Variants in MYO5C observed in about 807,000 individuals in gnomAD.
MYO5C encodes myosin VC.
In MYO5C, 194 loss-of-function variants were observed where a neutral mutation model predicts 235.7. The ratio of observed to expected loss-of-function variants is 0.82; its 90% CI spans 0.73 to 0.93. MYO5C has a LOEUF of 0.93. Among genes scored for constraint, MYO5C ranks in the 40% least tolerant of loss-of-function variants. MYO5C has a pLI of 0.00. For missense variants in MYO5C, 2,038 were observed against 2,127.2 expected, an observed-to-expected ratio of 0.96 and a Z score of 0.82; for synonymous variants, 707 against 754.8, an observed-to-expected ratio of 0.94 and a Z score of 1.04.
intron 9 of MYO5C, 98 bp downstream of exon 9, chr15:52,264,092 G>T (rs972945810): frequency 8.0e-6 from 7 of 872,208 alleles, no homozygotes; most frequent in South Asian, 3.4e-5. Flanking sequence ...CCAGGAGGCC[G>T]ACTATATCTG....
intron 18 of MYO5C, among the ~76,000 whole-genome samples, chr15:52,245,114 A>ACG (rs2036309736): frequency 6.6e-6 from 1 of 152,224 alleles, no homozygotes; most frequent in African/African-American, 2.4e-5. Flanking sequence ...TGGGAGAGCT[A>ACG]AACAGGATAC....
intron 19 of MYO5C, among the ~76,000 whole-genome samples, 199 bp downstream of exon 19, chr15:52,244,157 C>A (rs1243595490): frequency 6.6e-6 from 1 of 152,146 alleles, no homozygotes; most frequent in African/African-American, 2.4e-5. Context: ...CACACAGACA[C>A]CAGGCAGAGC....
intron 1 of MYO5C, 29 bp downstream of exon 1, chr15:52,295,581 G>A: frequency 1.3e-6 from 2 of 1,500,126 alleles, no homozygotes; most frequent in Admixed American, 2.2e-5. Flanking sequence ...CCCCCACAGC[G>A]CTCCCAGGAG....
chr15:52,229,301 T>G lies in MYO5C; in HGVS notation c.3039A>C (p.Lys1013Asn), dbSNP rs748117156. Residue 1013 changes from lysine to asparagine, a missense_variant, in exon 25 of 41, where the codon AAA becomes AAC. Physicochemically the swap from Lys to Asn is moderately conservative, Grantham distance 94. Transcript: ENST00000261839. ...AGTCTTGTGTTTTCAGTTCAAAACT[T>G]TTTTCAAGAAGCCTACGCAGCAAAA... ...KEERQRMLLE[K>N]SFELKTQDYE... 1 of 1,613,288 alleles carries G rather than the reference T, an allele frequency of 6.2e-7. No homozygotes were observed. Among genetic ancestry groups the G allele is most frequent in the Non-Finnish European group, 8.5e-7 (1 of 1,179,946 alleles).
intron 32 of MYO5C, among the ~76,000 whole-genome samples, chr15:52,217,311 C>A (rs1371716973): frequency 1.3e-5 from 2 of 152,230 alleles, no homozygotes; most frequent in African/African-American, 4.8e-5. Context: ...CTTGGAGGAG[C>A]TCCAGAAGAG....
chr15:52,239,737 T>C lies in MYO5C; in HGVS notation c.2699A>G (p.Asp900Gly). 1 of 1,599,368 alleles carries C rather than the reference T, an allele frequency of 6.3e-7. No individual in the cohort carries two copies. Among genetic ancestry groups the C allele is most frequent in the Non-Finnish European group, 8.5e-7 (1 of 1,171,662 alleles). ...RVQRLQKKLE[D>G]QNKENHGLVE... ...AGATGCACTATGAGCACCTACCTGA[T>C]CTTCCAACTTTTTCTGCAAACGCTG... is the stretch of plus-strand genomic sequence containing the variant. Residue 900 changes from aspartate to glycine, a missense_variant, in exon 21 of 41, where the codon GAT becomes GGT. Asp to Gly is a moderately conservative substitution (Grantham distance 94, BLOSUM62 -1). Coordinates refer to ENST00000261839, the MANE Select transcript of MYO5C (RefSeq NM_018728.4).
At chr15:52,287,352 G>A (rs1486803865) in intron 1 of MYO5C, among the ~76,000 whole-genome samples, 4 of 152,086 alleles carry the variant, frequency 2.6e-5, no homozygotes, top group East Asian at 3.8e-4. Flanking sequence ...TTGTTGCCAC[G>A]GGCTACACAG....
intron 1 of MYO5C, among the ~76,000 whole-genome samples, chr15:52,295,408 G>C (rs1285176953): frequency 6.6e-6 from 1 of 152,186 alleles, no homozygotes; most frequent in African/African-American, 2.4e-5. Context: ...AGCACGCCGG[G>C]GCCCTGGAGG....
rs2035608019 is a variant in MYO5C, at chr15:52,218,664, A to T, written c.3809T>A (p.Ile1270Lys). ...QRKALEAQNE[I>K]HTKEKEKLID... Reference sequence around the variant, plus strand: ...CAGCTTCTCCTTCTCTTTGGTATGTATTTCATTTTGGGCTTCCAAGGCCCT... The same window carrying T: ...CAGCTTCTCCTTCTCTTTGGTATGTTTTTCATTTTGGGCTTCCAAGGCCCT... The change falls in exon 32 of 41, where the codon ATA (isoleucine) becomes AAA (lysine). Residue 1270 changes from isoleucine (I) to lysine (K), a missense_variant. Physicochemically the swap from Ile to Lys is moderately radical, Grantham distance 102. Coordinates refer to ENST00000261839, the MANE Select transcript of MYO5C (RefSeq NM_018728.4). 1 of 1,614,026 alleles carries T rather than the reference A, an allele frequency of 6.2e-7. No homozygotes were observed. The highest frequency in any genetic ancestry group is 8.5e-7 in the Non-Finnish European group (1 of 1,180,006).
intron 5 of MYO5C, among the ~76,000 whole-genome samples, 163 bp downstream of exon 5, chr15:52,275,399 A>G (rs2037020254): frequency 6.6e-6 from 1 of 152,128 alleles, no homozygotes; most frequent in Non-Finnish European, 1.5e-5. Flanking sequence ...TTCTGCCCCC[A>G]TCTCCTTCAA....
intron 38 of MYO5C, among the ~76,000 whole-genome samples, chr15:52,199,903 C>G (rs956312384): frequency 6.6e-6 from 1 of 152,116 alleles, no homozygotes; most frequent in Non-Finnish European, 1.5e-5. Context: ...AGTTTTCTAG[C>G]TGAAGCACCA....
At chr15:52,201,390 A>G (rs2141261310) in intron 38 of MYO5C, among the ~76,000 whole-genome samples, 1 of 152,268 alleles carries the variant, frequency 6.6e-6, no homozygotes, top group East Asian at 1.9e-4. Flanking sequence ...AAAGTGGTGA[A>G]AGAAAACAAC....
At chr15:52,247,346 G>T (rs1309138429) in intron 15 of MYO5C, 112 bp downstream of exon 15, 1 of 1,229,992 alleles carries the variant, frequency 8.1e-7, no homozygotes, top group Non-Finnish European at 1.1e-6. Context: ...GATTGGAAGA[G>T]CCCCAGCGTC....
Position 52,286,973 on chromosome 15 carries a change from AAACT to A in MYO5C, c.28-4085_28-4082del, listed in dbSNP as rs1411537612. Among the ~76,000 whole-genome samples the A allele has an allele frequency of 9.2e-3, 978 of 105,780 alleles. 10 individuals carry two copies. Among genetic ancestry groups the A allele is most frequent in the Middle Eastern group, 0.028 (5 of 180 alleles). 69.4% of individuals were successfully genotyped at this position (105,780 alleles called of 152,430 possible). On this transcript the variant is annotated intron_variant, in intron 1 of 40. Coordinates refer to ENST00000261839, the MANE Select transcript of MYO5C (RefSeq NM_018728.4). Reference sequence around the variant, plus strand: ...AAGAAAAAAGAAAAAAAAAAAAGAAAAACTAACAAACAAACAAACAAACAAACAA... The same window carrying A: ...AAGAAAAAAGAAAAAAAAAAAAGAAAAACAAACAAACAAACAAACAAACAA...
chr15:52,260,063 G>C (rs1008449784), intron 10 of MYO5C, among the ~76,000 whole-genome samples: 1 of 152,242 alleles, frequency 6.6e-6, no homozygotes, highest in African/African-American at 2.4e-5. Context: ...CTGGGCACTG[G>C]GGCCAGCTGC....
At chr15:52,212,666 C>T (rs1389437335) in intron 34 of MYO5C, among the ~76,000 whole-genome samples, 1 of 152,216 alleles carries the variant, frequency 6.6e-6, no homozygotes, top group Non-Finnish European at 1.5e-5. Context: ...GGTTCTATGA[C>T]CACCAACTCT....
intron 4 of MYO5C, among the ~76,000 whole-genome samples, chr15:52,276,467 C>T (rs934844130): frequency 3.3e-5 from 5 of 152,324 alleles, no homozygotes; most frequent in African/African-American, 1.2e-4. Context: ...CACCTTCTGC[C>T]TAGCATATGC....
At position 52,219,818 on chromosome 15, in the gene MYO5C, T is replaced by C. The variant is rs2035636990; in HGVS notation, c.3726A>G (p.Lys1242=). ...LNEQAEKMKG[K]LEELSNQLHR... ...GTAACTGATTAGACAATTCTTCTAG[T>C]TTTCCTATAATGAGAAGAACTGTCA... Residue 1242 remains lysine, a synonymous_variant, in exon 31 of 41, where the codon AAA becomes AAG. Transcript: ENST00000261839. 3.1e-6 allele frequency: 5 copies of C among 1,610,802 alleles called. No homozygotes were observed. The highest frequency in any genetic ancestry group is 3.4e-6 in the Non-Finnish European group (4 of 1,177,912).
chr15:52,293,358 TGA>T (rs2037433235), intron 1 of MYO5C, among the ~76,000 whole-genome samples: 1 of 152,104 alleles, frequency 6.6e-6, no homozygotes. Flanking sequence ...CCCACCTTGG[TGA>T]GACCCTCAGT....
Sources: gnomAD v4.1 joint callset for allele counts (sites outside exome capture counted in the v4.1 genomes callset) on GRCh38, gnomAD v4.1.1 for gene constraint, MANE v1.5 for transcripts, NCBI Gene and HGNC (gene_info 2026-07-23, HGNC 2026-07-21) for gene names.